AGMO: variants seen among roughly 807,000 people sequenced by gnomAD.
AGMO encodes the protein glyceryl-ether monooxygenase.
Under a neutral mutation model 60.2 loss-of-function variants are expected in AGMO, and 75 were observed. The ratio of observed to expected loss-of-function variants is 1.25; its 90% confidence interval spans 1.03 to 1.51. AGMO has a LOEUF of 1.51. Ranked by LOEUF, AGMO falls within the 40% of genes most tolerant of loss-of-function variation. The probability of loss-of-function intolerance (pLI) is 0.00; values close to 1 mark genes in which losing one functional copy is unlikely to be tolerated. For missense variants in AGMO, 763 were observed against 525.5 expected, an observed-to-expected ratio of 1.45 and a Z score of -4.42; for synonymous variants, 261 against 177.1, an observed-to-expected ratio of 1.47 and a Z score of -3.76.
At chr7:15,527,580 G>C (rs1353447979) in intron 3 of AGMO, among the ~76,000 whole-genome samples, 4 of 152,188 alleles carry the variant, frequency 2.6e-5, no homozygotes, top group South Asian at 2.1e-4. Context: ...GCTACAGTAA[G>C]TTACCCAGAA....
chr7:15,351,097 G>C (rs2128553835), intron 12 of AGMO, among the ~76,000 whole-genome samples: 1 of 152,226 alleles, frequency 6.6e-6, no homozygotes, highest in South Asian at 2.1e-4. Context: ...TTGCAGTATA[G>C]TTTAGGTATA....
intron 9 of AGMO, among the ~76,000 whole-genome samples, chr7:15,387,018 T>C (rs577632401): frequency 6.6e-6 from 1 of 152,172 alleles, no homozygotes. Context: ...CAGTTTTTCA[T>C]GAGTGGAGTT....
At chr7:15,210,152 A>G (rs1781546885) in intron 12 of AGMO, among the ~76,000 whole-genome samples, 1 of 152,176 alleles carries the variant, frequency 6.6e-6, no homozygotes, top group Non-Finnish European at 1.5e-5. Context: ...TTCAGGGACA[A>G]TAATTTTTCT....
chr7:15,402,394 G>T (rs561872869), intron 5 of AGMO, among the ~76,000 whole-genome samples: 1 of 150,590 alleles, frequency 6.6e-6, no homozygotes, highest in African/African-American at 2.4e-5. Flanking sequence ...ATCTAAACGT[G>T]TGTGTGCATA....
chr7:15,220,745 A>G (rs1781894089), intron 12 of AGMO, among the ~76,000 whole-genome samples: 1 of 152,226 alleles, frequency 6.6e-6, no homozygotes, highest in South Asian at 2.1e-4. Flanking sequence ...AACCAAGCCC[A>G]GAACTGGAAA....
At chr7:15,400,522 A>G (rs1784524808) in intron 5 of AGMO, among the ~76,000 whole-genome samples, 1 of 152,160 alleles carries the variant, frequency 6.6e-6, no homozygotes, top group Non-Finnish European at 1.5e-5. Flanking sequence ...AAAACACTGT[A>G]TAATTTCTGT....
intron 12 of AGMO, among the ~76,000 whole-genome samples, chr7:15,318,964 T>C (rs922095220): frequency 6.6e-6 from 1 of 152,166 alleles, no homozygotes; most frequent in Non-Finnish European, 1.5e-5. Context: ...GTCACTGGCA[T>C]CTTGAAATGC....
intron 2 of AGMO, among the ~76,000 whole-genome samples, chr7:15,548,341 G>C (rs565690677): frequency 8.9e-4 from 135 of 152,102 alleles, no homozygotes; most frequent in Non-Finnish European, 1.6e-3. Context: ...GCTGAGAGAA[G>C]AAGGCTTCAG....
At chr7:15,379,363 C>T (rs948693497) in intron 10 of AGMO, among the ~76,000 whole-genome samples, 26 of 152,002 alleles carry the variant, frequency 1.7e-4, no homozygotes, top group Non-Finnish European at 2.4e-4. Context: ...AGTAGAAAAA[C>T]TGTTAATTAG....
At chr7:15,185,030 A>G in the AGMO span, among the ~76,000 whole-genome samples, 1 of 152,312 alleles carries the variant, frequency 6.6e-6, no homozygotes. Context: ...CTACTATATA[A>G]TGGTGGCACC....
intron 12 of AGMO, among the ~76,000 whole-genome samples, chr7:15,322,977 A>AATT (rs1554413867): frequency 8.2e-6 from 1 of 122,082 alleles, no homozygotes; most frequent in Non-Finnish European, 1.7e-5. Context: ...GTATATATAT[A>AATT]TGTATTTATT....
downstream of AGMO, among the ~76,000 whole-genome samples, chr7:15,195,447 G>A (rs1444306152): frequency 2.0e-5 from 3 of 152,192 alleles, no homozygotes; most frequent in African/African-American, 7.2e-5. Flanking sequence ...AGATTGGTTG[G>A]ACCAGGTGTG....
At chr7:15,170,757 T>A in the AGMO span, among the ~76,000 whole-genome samples, 1 of 152,150 alleles carries the variant, frequency 6.6e-6, no homozygotes, top group Non-Finnish European at 1.5e-5. Flanking sequence ...CTCAGGTCCT[T>A]TTCCTGTTCC....
chr7:15,142,780 A>C, the AGMO span, among the ~76,000 whole-genome samples: 1 of 152,204 alleles, frequency 6.6e-6, no homozygotes, highest in African/African-American at 2.4e-5. Flanking sequence ...GCCGACAGAA[A>C]AGACAGAAGA....
At chr7:15,475,430 C>G (rs1011398413) in intron 3 of AGMO, among the ~76,000 whole-genome samples, 1 of 152,010 alleles carries the variant, frequency 6.6e-6, no homozygotes, top group African/African-American at 2.4e-5. Context: ...TCTCAGGAAA[C>G]TAACACAGGA....
At chr7:15,438,700 G>A (rs916510021) in intron 3 of AGMO, among the ~76,000 whole-genome samples, 3 of 152,134 alleles carry the variant, frequency 2.0e-5, no homozygotes, top group Non-Finnish European at 1.5e-5. Context: ...CCTAGGGTAC[G>A]CAAAGACACC....
intron 3 of AGMO, among the ~76,000 whole-genome samples, chr7:15,445,349 G>T (rs1435067891): frequency 6.6e-6 from 1 of 152,116 alleles, no homozygotes; most frequent in East Asian, 1.9e-4. Flanking sequence ...CTTCTATAAT[G>T]ATGAGATAGC....
intron 12 of AGMO, among the ~76,000 whole-genome samples, chr7:15,217,601 A>G (rs1583299638): frequency 1.3e-5 from 2 of 152,120 alleles, no homozygotes; most frequent in South Asian, 4.1e-4. Context: ...CATCAAATAG[A>G]AACATCTTAA....
chr7:15,145,523 A>G, the AGMO span, among the ~76,000 whole-genome samples: 1 of 152,208 alleles, frequency 6.6e-6, no homozygotes, highest in African/African-American at 2.4e-5. Flanking sequence ...AAATATATCA[A>G]GATATTAATG....
Sources: allele counts gnomAD v4.1 joint callset (sites outside exome capture counted in the v4.1 genomes callset), GRCh38; gene constraint gnomAD v4.1.1; transcripts MANE v1.5; gene names NCBI Gene and HGNC (gene_info 2026-07-23, HGNC 2026-07-21).